The following FRYL variants were observed in gnomAD, a reference collection of about 807,000 sequenced individuals.
The protein encoded by FRYL is FRY like transcription coactivator, also known as protein furry homolog-like.
In FRYL, 150 loss-of-function variants were observed where a neutral mutation model predicts 351.2. The observed-to-expected ratio is 0.43, with a 90% CI of 0.37 to 0.49. The LOEUF (loss-of-function observed/expected upper bound fraction) is 0.49, where lower values mean the gene tolerates loss of function less well. Among genes scored for constraint, FRYL ranks in the 20% least tolerant of loss-of-function variants. The pLI, the probability that FRYL is intolerant of heterozygous loss-of-function variation, is 0.00. For missense variants in FRYL, 3,036 were observed against 3,619.3 expected (o/e 0.84, Z 4.13); for synonymous variants, 1,153 against 1,257.1 (o/e 0.92, Z 1.75).
At chr4:48,655,760 T>C (rs1758745534) in intron 3 of FRYL, among the ~76,000 whole-genome samples, 1 of 145,966 alleles carries the variant, frequency 6.9e-6, no homozygotes, top group Non-Finnish European at 1.5e-5. Flanking sequence ...AATTATATAA[T>C]ACATTATGTA....
intron 1 of FRYL, among the ~76,000 whole-genome samples, chr4:48,734,938 A>C (rs1270627575): frequency 6.6e-6 from 1 of 152,014 alleles, no homozygotes; most frequent in Non-Finnish European, 1.5e-5. Flanking sequence ...AAACACCAAA[A>C]GCAATGGCAA....
intron 3 of FRYL, among the ~76,000 whole-genome samples, chr4:48,643,373 T>C (rs2149400647): frequency 6.6e-6 from 1 of 152,330 alleles, no homozygotes. Context: ...TAACTTAGGC[T>C]GCTTTCCCTT....
At chr4:48,629,357 G>C (rs1176541698) in intron 4 of FRYL, among the ~76,000 whole-genome samples, 1 of 152,174 alleles carries the variant, frequency 6.6e-6, no homozygotes, top group Admixed American at 6.5e-5. Context: ...GAACAAAAAG[G>C]ATGGGAGAGG....
Position 48,573,250 on chromosome 4 carries a change from G to A in FRYL, c.2847-7C>T, listed in dbSNP as rs778105049. ...TAATTCCTCTATTAGTTCCCTGGAA[G>A]AAAAATGGTACATATTCTATTAATA... On this transcript the variant is annotated splice_region_variant and splice_polypyrimidine_tract_variant and intron_variant, in intron 25 of 63. Transcript: ENST00000358350. The A allele has an allele frequency of 6.3e-7, 1 of 1,586,688 alleles. No individual in the cohort carries two copies. Among genetic ancestry groups the A allele is most frequent in the Non-Finnish European group, 8.7e-7 (1 of 1,155,688 alleles).
intron 62 of FRYL, among the ~76,000 whole-genome samples, chr4:48,500,914 T>C (rs1353275035): frequency 6.6e-6 from 1 of 151,864 alleles, no homozygotes; most frequent in Admixed American, 6.6e-5. Flanking sequence ...TGAAACCCCG[T>C]CTCTACTAAA....
chr4:48,716,188 GC>G (rs1419597783), intron 1 of FRYL, among the ~76,000 whole-genome samples: 1 of 151,740 alleles, frequency 6.6e-6, no homozygotes, highest in Non-Finnish European at 1.5e-5. Context: ...GAAAACCTAG[GC>G]ATTACCATTC....
At chr4:48,577,387 A>G (rs1398331644) in intron 23 of FRYL, among the ~76,000 whole-genome samples, 1 of 152,246 alleles carries the variant, frequency 6.6e-6, no homozygotes, top group Admixed American at 6.5e-5. Context: ...TAAGGTAAGT[A>G]ATGCAAACAC....
At chr4:48,691,747 C>T (rs1297000775) in intron 2 of FRYL, among the ~76,000 whole-genome samples, 1 of 152,140 alleles carries the variant, frequency 6.6e-6, no homozygotes, top group Non-Finnish European at 1.5e-5. Context: ...CTAGAGGTAG[C>T]CACTATGAAT....
chr4:48,536,928 A>C (rs577100976), intron 47 of FRYL, among the ~76,000 whole-genome samples: 3 of 152,316 alleles, frequency 2.0e-5, no homozygotes, highest in African/African-American at 7.2e-5. Flanking sequence ...TATAAAGGTT[A>C]TGCAAGGTCG....
chr4:48,591,166 G>A (rs1743165982), intron 16 of FRYL, among the ~76,000 whole-genome samples: 1 of 151,612 alleles, frequency 6.6e-6, no homozygotes, highest in Non-Finnish European at 1.5e-5. Context: ...CTTCACAGAA[G>A]AAAAAAAATC....
rs1013520998 is a variant in FRYL, at chr4:48,499,275, T to C, written c.*147A>G. 4 of 674,342 alleles carry C rather than the reference T, an allele frequency of 5.9e-6. No individual in the cohort carries two copies. The highest frequency in any genetic ancestry group is 1.0e-5 in the Non-Finnish European group (4 of 394,356). The allele number at this position is 674,342 out of a possible 1,614,324, so 41.8% of individuals were successfully genotyped here. A position where few individuals can be genotyped will look rare whatever the true frequency, so the allele number is the denominator to read the frequency against. On this transcript the variant is annotated 3_prime_UTR_variant, in exon 64 of 64. Transcript: ENST00000358350. Reference sequence around the variant, plus strand: ...GATGTTTTTTTCTTTCAGATCTTTGTTTTTGATGATACAGTTTGACATTAG... The same window carrying C: ...GATGTTTTTTTCTTTCAGATCTTTGCTTTTGATGATACAGTTTGACATTAG...
At chr4:48,681,163 C>G in intron 3 of FRYL, 1 of 1,009,236 alleles carries the variant, frequency 9.9e-7, no homozygotes, top group Non-Finnish European at 1.2e-6. Context: ...CACAAGCACA[C>G]AGAAAGGTGC....
chr4:48,752,367 G>A (rs971077402), intron 1 of FRYL, among the ~76,000 whole-genome samples: 3 of 152,236 alleles, frequency 2.0e-5, no homozygotes, highest in East Asian at 1.9e-4. Flanking sequence ...TCTTGACTCC[G>A]GATCTGCCCC....
rs533820638 is a variant in FRYL, at chr4:48,678,913, CAT to C, written c.-81+5758_-81+5759del. Among the ~76,000 whole-genome samples, 59 of 151,930 alleles carry C rather than the reference CAT, an allele frequency of 3.9e-4. 1 individual carries two copies. The South Asian group carries it at 9.3e-3, about 24-fold the overall frequency. ...AAAATCTAATTATTATAAATTGTAA[CAT>C]GTGTGCTGTATTTAAGAGTATAAGA... On this transcript the variant is annotated intron_variant, in intron 3 of 63. Transcript: ENST00000358350.
chr4:48,764,593 A>T (rs1046208000), intron 1 of FRYL, among the ~76,000 whole-genome samples: 7 of 152,130 alleles, frequency 4.6e-5, no homozygotes, highest in African/African-American at 1.7e-4. Context: ...CTAACAATAA[A>T]CTATCTGTAA....
chr4:48,571,861 AGG>A, intron 26 of FRYL: 1 of 985,284 alleles, frequency 1.0e-6, no homozygotes, highest in Non-Finnish European at 1.2e-6. Flanking sequence ...CTCACATTCA[AGG>A]CACATCACTG....
intron 4 of FRYL, among the ~76,000 whole-genome samples, chr4:48,632,899 C>G (rs990298866): frequency 6.6e-6 from 1 of 152,082 alleles, no homozygotes; most frequent in Admixed American, 6.6e-5. Context: ...TGTTGTTTTC[C>G]TCTCTCATCC....
rs763784117 is a variant in FRYL at position 48,499,597 on chromosome 4, G to A, written c.8867C>T (p.Thr2956Met). Residue 2956 changes from threonine (T) to methionine (M), a missense_variant, in exon 64 of 64, where the codon ACG becomes ATG. By Grantham distance (81) the Thr-to-Met change is moderately conservative. This residue lies in a region of FRYL where 1,987 missense variants were observed against 2,311.7 expected (regional missense o/e 0.86). Transcript: ENST00000358350. ...TLLHIYFHHQ[T>M]LGQTGSFAVI... ...TGCAAAGCTTCCTGTCTGGCCCAGC[G>A]TCTGATGATGGAAATATATATGTAA... is the stretch of plus-strand genomic sequence containing the variant. 1.9e-5 allele frequency: 30 copies of A among 1,614,064 alleles called. No homozygotes were observed. The highest frequency in any genetic ancestry group is 2.4e-5 in the Non-Finnish European group (28 of 1,179,942).
intron 1 of FRYL, among the ~76,000 whole-genome samples, chr4:48,767,790 T>G (rs1775121284): frequency 6.6e-6 from 1 of 152,162 alleles, no homozygotes; most frequent in Non-Finnish European, 1.5e-5. Flanking sequence ...GTGGTAGTGG[T>G]GGCAGCAGCA....
Sources: allele counts gnomAD v4.1 joint callset (sites outside exome capture counted in the v4.1 genomes callset), GRCh38; gene constraint gnomAD v4.1.1; regional missense constraint gnomAD v4.1.1; transcripts MANE v1.5; gene names NCBI Gene and HGNC (gene_info 2026-07-23, HGNC 2026-07-21).